Variants in MB21D2 observed in about 807,000 individuals in gnomAD.
MB21D2 encodes Mab-21 domain containing 2.
MB21D2 carries 9 observed loss-of-function variants against 33.3 expected under a neutral mutation model. The ratio of observed to expected loss-of-function variants is 0.27; its 90% CI spans 0.16 to 0.47. The LOEUF (loss-of-function observed/expected upper bound fraction) is 0.47, where lower values mean the gene tolerates loss of function less well. MB21D2 is among the 20% of genes least tolerant of loss of function. The pLI is 0.99. For missense variants in MB21D2, 540 were observed against 624.6 expected (o/e 0.86, Z 1.44); for synonymous variants, 241 against 236.3 (o/e 1.02, Z -0.18).
chr3:192,881,396 T>C (rs1360045456), intron 1 of MB21D2, among the ~76,000 whole-genome samples: 1 of 152,118 alleles, frequency 6.6e-6, no homozygotes, highest in East Asian at 1.9e-4. Context: ...AAGATCTCTG[T>C]GGCTCCTTCC....
intron 1 of MB21D2, among the ~76,000 whole-genome samples, chr3:192,879,641 G>A (rs1238231553): frequency 6.6e-6 from 1 of 152,162 alleles, no homozygotes; most frequent in Non-Finnish European, 1.5e-5. Flanking sequence ...GGCAGAGAAG[G>A]GGGTATCCGT....
At chr3:192,860,981 G>A (rs993004187) in intron 1 of MB21D2, among the ~76,000 whole-genome samples, 2 of 152,172 alleles carry the variant, frequency 1.3e-5, no homozygotes, top group East Asian at 1.9e-4. Flanking sequence ...AACTAGAAAC[G>A]AAAAGGCTGA....
At chr3:192,806,510 C>A (rs912325395) in intron 1 of MB21D2, among the ~76,000 whole-genome samples, 7 of 152,202 alleles carry the variant, frequency 4.6e-5, no homozygotes, top group African/African-American at 1.7e-4. Context: ...GCATCTGGCA[C>A]AGTAACTCAC....
intron 1 of MB21D2, among the ~76,000 whole-genome samples, chr3:192,845,633 T>G (rs1458852093): frequency 2.0e-5 from 3 of 152,218 alleles, no homozygotes; most frequent in Non-Finnish European, 4.4e-5. Context: ...TTCACCACAG[T>G]GCTCAGAAGG....
intron 1 of MB21D2, among the ~76,000 whole-genome samples, chr3:192,904,363 C>T (rs1057104491): frequency 6.6e-6 from 1 of 152,098 alleles, no homozygotes; most frequent in Non-Finnish European, 1.5e-5. Flanking sequence ...AGATCAGAGG[C>T]GATAAGTTGA....
At chr3:192,838,591 G>A (rs1297203838) in intron 1 of MB21D2, among the ~76,000 whole-genome samples, 2 of 152,014 alleles carry the variant, frequency 1.3e-5, no homozygotes, top group East Asian at 1.9e-4. Context: ...GCCACACCCA[G>A]CTACTTTTTT....
chr3:192,892,351 C>T (rs751096011), intron 1 of MB21D2, among the ~76,000 whole-genome samples: 1 of 152,196 alleles, frequency 6.6e-6, no homozygotes, highest in Non-Finnish European at 1.5e-5. Context: ...AAAGCTCACC[C>T]TAGGTTATGA....
intron 1 of MB21D2, among the ~76,000 whole-genome samples, chr3:192,818,570 T>C (rs752576913): frequency 7.9e-5 from 12 of 152,268 alleles, no homozygotes; most frequent in Admixed American, 2.6e-4. Context: ...TACTTCATTG[T>C]ATCCTTGTCT....
At chr3:192,847,595 C>A (rs1395734298) in intron 1 of MB21D2, among the ~76,000 whole-genome samples, 2 of 152,162 alleles carry the variant, frequency 1.3e-5, no homozygotes, top group African/African-American at 2.4e-5. Context: ...CAATGAAACA[C>A]CCTTCACCAT....
chr3:192,884,540 G>A lies in MB21D2; in HGVS notation c.211+33090C>T, dbSNP rs1324411816. Among the ~76,000 whole-genome samples, 17 of 104,388 alleles carry A rather than the reference G, an allele frequency of 1.6e-4. No individual in the cohort carries two copies. The East Asian group carries it at 4.3e-3, about 26-fold the overall frequency. 68.5% of individuals were successfully genotyped at this position (104,388 alleles called of 152,430 possible). On this transcript the variant is annotated intron_variant, in intron 1 of 1. Coordinates refer to ENST00000392452, the MANE Select transcript of MB21D2 (RefSeq NM_178496.4). ...CGCCACCACGCCCGGCTAATTTTTT[G>A]TATTTTTTAGTAGAGACGGGGTTTC...
intron 1 of MB21D2, among the ~76,000 whole-genome samples, chr3:192,820,010 G>A (rs564477632): frequency 6.6e-6 from 1 of 152,116 alleles, no homozygotes; most frequent in African/African-American, 2.4e-5. Flanking sequence ...CTAGGTTTCT[G>A]TTTCCTTGGC....
intron 1 of MB21D2, among the ~76,000 whole-genome samples, chr3:192,814,336 A>G (rs1019933349): frequency 2.0e-5 from 3 of 152,220 alleles, no homozygotes; most frequent in African/African-American, 7.2e-5. Context: ...TAACAGACTA[A>G]TAAAGAGCTG....
chr3:192,829,341 G>A (rs1712262627), intron 1 of MB21D2, among the ~76,000 whole-genome samples: 1 of 152,182 alleles, frequency 6.6e-6, no homozygotes. Flanking sequence ...TTTGTGTACA[G>A]GCCTTTGTGT....
intron 1 of MB21D2, among the ~76,000 whole-genome samples, chr3:192,868,004 C>G (rs547898490): frequency 1.3e-5 from 2 of 152,270 alleles, no homozygotes; most frequent in South Asian, 4.1e-4. Context: ...AGAAATCATA[C>G]AGCAATTGTA....
At chr3:192,800,888 T>G (rs2108608127) in intron 1 of MB21D2, among the ~76,000 whole-genome samples, 1 of 152,348 alleles carries the variant, frequency 6.6e-6, no homozygotes, top group East Asian at 1.9e-4. Context: ...CAATATTTAT[T>G]GCCAATGATA....
intron 1 of MB21D2, among the ~76,000 whole-genome samples, chr3:192,884,731 T>C (rs945986205): frequency 6.6e-6 from 1 of 152,080 alleles, no homozygotes; most frequent in African/African-American, 2.4e-5. Context: ...GAATGGAGCC[T>C]CTTTTTCTCT....
chr3:192,824,159 G>A (rs996878671), intron 1 of MB21D2, among the ~76,000 whole-genome samples: 3 of 152,146 alleles, frequency 2.0e-5, no homozygotes, highest in South Asian at 2.1e-4. Flanking sequence ...CACTTGGACC[G>A]AAAGCTTTTT....
At chr3:192,890,212 T>C (rs1030701951) in intron 1 of MB21D2, among the ~76,000 whole-genome samples, 1 of 152,120 alleles carries the variant, frequency 6.6e-6, no homozygotes, top group African/African-American at 2.4e-5. Context: ...ATTTTTAGTA[T>C]ATAAAACTAG....
intron 1 of MB21D2, among the ~76,000 whole-genome samples, chr3:192,819,361 C>T (rs541965383): frequency 2.0e-5 from 3 of 152,316 alleles, no homozygotes; most frequent in East Asian, 1.9e-4. Context: ...TGGCTTTTCA[C>T]GGCAAGGGTG....
Sources: allele counts gnomAD v4.1 joint callset (sites outside exome capture counted in the v4.1 genomes callset), GRCh38; gene constraint gnomAD v4.1.1; transcripts MANE v1.5; gene names NCBI Gene and HGNC (gene_info 2026-07-23, HGNC 2026-07-21).